The following PLCH1 variants were observed in gnomAD, a reference collection of about 807,000 sequenced individuals.
PLCH1 encodes phospholipase C eta 1, also known as 1-phosphatidylinositol 4,5-bisphosphate phosphodiesterase eta-1.
A neutral mutation model predicts 126.7 loss-of-function variants in PLCH1; 60 were observed. That is an observed-to-expected ratio of 0.47 (90% CI 0.38 to 0.59). The LOEUF (loss-of-function observed/expected upper bound fraction) is 0.59. Ranked by LOEUF, PLCH1 falls within the 20% of genes least tolerant of loss-of-function variation. The pLI is 0.00. For synonymous variants in PLCH1, 719 were observed against 734.9 expected (o/e 0.98, Z 0.35); for missense variants, 1,723 against 2,040.0 (o/e 0.84, Z 2.99).
At chr3:155,636,790 C>T (rs1404877467) in intron 2 of PLCH1, among the ~76,000 whole-genome samples, 1 of 151,598 alleles carries the variant, frequency 6.6e-6, no homozygotes, top group African/African-American at 2.4e-5. Flanking sequence ...TGATTCCATG[C>T]CAATCTGCAA....
intron 2 of PLCH1, among the ~76,000 whole-genome samples, chr3:155,684,449 C>T (rs1744779900): frequency 6.6e-6 from 1 of 152,120 alleles, no homozygotes; most frequent in Non-Finnish European, 1.5e-5. Flanking sequence ...GTTGTTTGCT[C>T]TGTACAACCA....
In PLCH1 at chr3:155,481,665, T is replaced by G. The variant is rs780232020; in HGVS notation, c.4361A>C (p.Gln1454Pro). 9.3e-6 allele frequency: 15 copies of G among 1,614,066 alleles called. No individual in the cohort carries two copies. Among genetic ancestry groups the G allele is most frequent in the Non-Finnish European group, 1.3e-5 (15 of 1,180,026 alleles). ...AKMFQTCVPQ[Q>P]SSAQDMHVPV... ...GACATGCATATCTTGAGCACTAGAT[T>G]GCTGGGGCACACAGGTCTGGAACAT... The change falls in exon 23 of 23, where the codon CAA (glutamine) becomes CCA (proline). Residue 1454 changes from glutamine (Q) to proline (P), a missense_variant. Physicochemically the swap from Gln to Pro is moderately conservative, Grantham distance 76. Transcript: ENST00000460012. The surrounding 1 kb of genome is among the most constrained non-coding windows in gnomAD (Gnocchi z 4.2).
chr3:155,465,158 T>C (rs1359252962), intron 21 of PLCH1, among the ~76,000 whole-genome samples: 2 of 150,242 alleles, frequency 1.3e-5, no homozygotes, highest in African/African-American at 4.9e-5. Context: ...ACTAGAGGGA[T>C]TGGTCTGATA....
chr3:155,467,225 A>C (rs1244890871), intron 21 of PLCH1, among the ~76,000 whole-genome samples: 1 of 152,098 alleles, frequency 6.6e-6, no homozygotes, highest in Non-Finnish European at 1.5e-5. Flanking sequence ...TCAAGGATAA[A>C]GAAAGATCTT....
intron 3 of PLCH1, among the ~76,000 whole-genome samples, chr3:155,595,236 A>G (rs990045775): frequency 1.3e-5 from 2 of 152,248 alleles, no homozygotes; most frequent in Non-Finnish European, 2.9e-5. Flanking sequence ...TAGCAGAGCA[A>G]ATATGAAGGT....
intron 7 of PLCH1, among the ~76,000 whole-genome samples, 178 bp downstream of exon 7, chr3:155,568,053 G>A (rs1407236668): frequency 6.6e-6 from 1 of 152,164 alleles, no homozygotes; most frequent in African/African-American, 2.4e-5. Context: ...AAGACAAATA[G>A]CAACATCATG....
intron 2 of PLCH1, among the ~76,000 whole-genome samples, chr3:155,610,812 A>C (rs749798801): frequency 2.0e-5 from 3 of 152,220 alleles, no homozygotes; most frequent in Non-Finnish European, 4.4e-5. Flanking sequence ...ATTAAAAAAA[A>C]ACACAAGGAA....
intron 1 of PLCH1, among the ~76,000 whole-genome samples, chr3:155,722,970 AT>A (rs1229392861): frequency 6.6e-6 from 1 of 151,748 alleles, no homozygotes; most frequent in Non-Finnish European, 1.5e-5. Context: ...CTTGTTGGCA[AT>A]TTTTTTTACT....
chr3:155,517,335 T>C (rs987222041), intron 11 of PLCH1, among the ~76,000 whole-genome samples: 1 of 152,176 alleles, frequency 6.6e-6, no homozygotes, highest in Non-Finnish European at 1.5e-5. Context: ...TAAAGTTTCC[T>C]GTGACCAATT....
At chr3:155,560,470 T>A (rs968778113) in intron 8 of PLCH1, among the ~76,000 whole-genome samples, 4 of 152,234 alleles carry the variant, frequency 2.6e-5, no homozygotes, top group Non-Finnish European at 5.9e-5. Flanking sequence ...ATTGCTGGTA[T>A]GTACTCTCTG....
rs1239562931 is a variant in PLCH1, at chr3:155,693,682, C to T, written c.79+10464G>A. Among the ~76,000 whole-genome samples, 4 of 152,074 alleles carry T rather than the reference C, an allele frequency of 2.6e-5. 1 individual carries two copies. Among genetic ancestry groups the T allele is most frequent in the Non-Finnish European group, 5.9e-5 (4 of 68,012 alleles). On this transcript the variant is annotated intron_variant, in intron 2 of 22. Coordinates refer to ENST00000460012, the MANE Select transcript of PLCH1 (RefSeq NM_014996.4). ...TGGTGGCTCATGCCTGTAATCCCAA[C>T]ACTTTGGGAGGCCAAGGAGGGTGGA...
chr3:155,538,941 A>G (rs1428175851), intron 10 of PLCH1, among the ~76,000 whole-genome samples: 1 of 55,746 alleles, frequency 1.8e-5, no homozygotes, highest in Non-Finnish European at 7.4e-5. Flanking sequence ...AGAAAAGGAC[A>G]TAACAAAAAA....
chr3:155,737,276 G>C (rs1749271333), intron 1 of PLCH1, among the ~76,000 whole-genome samples: 1 of 140,562 alleles, frequency 7.1e-6, no homozygotes, highest in Middle Eastern at 4.3e-3. Context: ...GTTTACCTCT[G>C]ACTTCTGTCC....
chr3:155,633,357 A>G (rs1738273079), intron 2 of PLCH1, among the ~76,000 whole-genome samples: 1 of 151,674 alleles, frequency 6.6e-6, no homozygotes, highest in South Asian at 2.1e-4. Context: ...AAAAAAAAAA[A>G]AACCTACTCT....
intron 2 of PLCH1, among the ~76,000 whole-genome samples, chr3:155,685,014 C>T (rs778086272): frequency 1.8e-4 from 27 of 152,146 alleles, no homozygotes; most frequent in Admixed American, 4.6e-4. Flanking sequence ...TCCTTGAGAG[C>T]TAGAACAATG....
chr3:155,481,313 T>C lies in PLCH1; in HGVS notation c.4713A>G (p.Ser1571=), dbSNP rs1714002669. ...QLPRALVRKL[S]SRSQSRVRNI... is the part of the protein sequence containing the mutation. ...TGCGCACTCTGCTCTGACTTCTGGA[T>C]GACAACTTCCTGACCAGTGCCCGGG... Residue 1571 remains serine, a synonymous_variant, in exon 23 of 23, where the codon TCA becomes TCG. Transcript: ENST00000460012. This position sits in a 1 kb window ranked among gnomAD's most constrained non-coding sequence, Gnocchi z 4.2. The C allele has an allele frequency of 6.2e-7, 1 of 1,614,266 alleles. No individual in the cohort carries two copies. The highest frequency in any genetic ancestry group is 1.7e-5 in the Admixed American group (1 of 60,032).
At chr3:155,460,250 C>G (rs962214244) in intron 21 of PLCH1, among the ~76,000 whole-genome samples, 3 of 152,172 alleles carry the variant, frequency 2.0e-5, no homozygotes, top group African/African-American at 7.2e-5. Context: ...GTCACACAAG[C>G]ATGACATTTA....
rs544524961 is a variant in PLCH1, at chr3:155,740,215, A to T, written c.-41+4625T>A. ...CATCTGAGGTCAGGAGTTCGAGACC[A>T]GTCTGGCCAACATGGCAAAACCCCA... On this transcript the variant is annotated intron_variant, in intron 1 of 22. Transcript: ENST00000460012. 8.5e-5 allele frequency among the ~76,000 whole-genome samples: 13 copies of T among 152,284 alleles called. No homozygotes were observed. The East Asian group carries it at 2.5e-3, about 29-fold the overall frequency.
intron 10 of PLCH1, among the ~76,000 whole-genome samples, chr3:155,537,734 C>A (rs1403863189): frequency 6.6e-6 from 1 of 152,034 alleles, no homozygotes; most frequent in Non-Finnish European, 1.5e-5. Context: ...CACTGGAGCT[C>A]CCAAATTTAT....
Sources: allele counts gnomAD v4.1 joint callset (sites outside exome capture counted in the v4.1 genomes callset), GRCh38; gene constraint gnomAD v4.1.1; non-coding constraint Gnocchi (gnomAD v3.1); transcripts MANE v1.5; gene names NCBI Gene and HGNC (gene_info 2026-07-23, HGNC 2026-07-21).